CADM2: variants seen among roughly 807,000 people sequenced by gnomAD.
The protein encoded by CADM2 is immunoglobulin superfamily member 4D.
Under a neutral mutation model 49.8 loss-of-function variants are expected in CADM2, and 12 were observed. The ratio of observed to expected loss-of-function variants is 0.24; its 90% confidence interval spans 0.15 to 0.39. CADM2 has a LOEUF of 0.39. CADM2 is among the 10% of genes least tolerant of loss of function. The probability of loss-of-function intolerance (pLI) is 1.00; values close to 1 mark genes in which losing one functional copy is unlikely to be tolerated. For missense variants in CADM2, 378 were observed against 492.3 expected, an observed-to-expected ratio of 0.77 and a Z score of 2.20; for synonymous variants, 214 against 175.4, an observed-to-expected ratio of 1.22 and a Z score of -1.74.
intron 1 of CADM2, among the ~76,000 whole-genome samples, chr3:85,519,988 A>G (rs1379021311): frequency 6.6e-6 from 1 of 152,098 alleles, no homozygotes; most frequent in East Asian, 1.9e-4. Flanking sequence ...TTTATTAACA[A>G]TTAACATTAA....
At chr3:85,355,093 G>A (rs2031744261) in intron 1 of CADM2, among the ~76,000 whole-genome samples, 2 of 152,022 alleles carry the variant, frequency 1.3e-5, no homozygotes, top group Admixed American at 6.6e-5. Flanking sequence ...AACCCTCATT[G>A]TGCACACTCT....
intron 1 of CADM2, among the ~76,000 whole-genome samples, chr3:85,430,296 T>C (rs1453612391): frequency 6.6e-6 from 1 of 151,988 alleles, no homozygotes; most frequent in Non-Finnish European, 1.5e-5. Flanking sequence ...AATGGACAAA[T>C]AAATTATGAT....
intron 1 of CADM2, among the ~76,000 whole-genome samples, chr3:85,311,116 A>G (rs993681509): frequency 9.9e-5 from 15 of 152,212 alleles, no homozygotes; most frequent in Admixed American, 8.5e-4. Flanking sequence ...CAAATTTCTC[A>G]TAATTCGGCA....
intron 3 of CADM2, among the ~76,000 whole-genome samples, chr3:85,826,000 A>C (rs759101698): frequency 6.6e-6 from 1 of 152,070 alleles, no homozygotes; most frequent in Non-Finnish European, 1.5e-5. Flanking sequence ...TCATTTAATA[A>C]TTGTTATGTT....
intron 8 of CADM2, among the ~76,000 whole-genome samples, chr3:85,970,026 T>C (rs1055169079): frequency 1.4e-4 from 21 of 148,862 alleles, no homozygotes; most frequent in African/African-American, 5.2e-4. Flanking sequence ...CAGCCTTGAC[T>C]TCTGGATAAA....
intron 8 of CADM2, among the ~76,000 whole-genome samples, chr3:86,053,867 T>C (rs1464333024): frequency 6.6e-6 from 1 of 152,108 alleles, no homozygotes; most frequent in African/African-American, 2.4e-5. Context: ...TTAATAAATA[T>C]GAACTATTAT....
rs559565674 is a variant in CADM2 at position 85,056,773 on chromosome 3, A to C, written c.61+97105A>C. ...TTACTTCTCATCTTCTGTAATGAAA[A>C]TAACACAATAGTCATAAATGCTTTG... On this transcript the variant is annotated intron_variant, in intron 1 of 9. Coordinates refer to ENST00000383699, the MANE Select transcript of CADM2 (RefSeq NM_001167675.2). Among the ~76,000 whole-genome samples, 4 of 152,272 alleles carry C rather than the reference A, an allele frequency of 2.6e-5. No individual in the cohort carries two copies. The East Asian group carries it at 7.7e-4, about 29-fold the overall frequency.
chr3:85,555,075 A>T (rs2061925612), intron 1 of CADM2, among the ~76,000 whole-genome samples: 2 of 152,072 alleles, frequency 1.3e-5, no homozygotes, highest in South Asian at 4.1e-4. Flanking sequence ...TCTAGGAAAA[A>T]AAAATCTAAC....
chr3:85,448,725 C>T (rs947147555), intron 1 of CADM2, among the ~76,000 whole-genome samples: 1 of 151,896 alleles, frequency 6.6e-6, no homozygotes, highest in African/African-American at 2.4e-5. Flanking sequence ...TCAGTACTAC[C>T]TGAGTTCTCA....
chr3:85,623,752 A>C (rs530606210), intron 1 of CADM2, among the ~76,000 whole-genome samples: 1 of 152,304 alleles, frequency 6.6e-6, no homozygotes, highest in South Asian at 2.1e-4. Context: ...TTAATTTGTG[A>C]GATGACATTT....
At chr3:85,448,808 T>A (rs893275535) in intron 1 of CADM2, among the ~76,000 whole-genome samples, 2 of 151,910 alleles carry the variant, frequency 1.3e-5, no homozygotes, top group African/African-American at 4.8e-5. Flanking sequence ...CCCAGCACTT[T>A]GGGAGGTCGA....
chr3:85,736,405 G>A (rs2107810649), intron 2 of CADM2, among the ~76,000 whole-genome samples: 1 of 152,284 alleles, frequency 6.6e-6, no homozygotes, highest in East Asian at 1.9e-4. Flanking sequence ...AGAAGGCTAG[G>A]AAGATTTCTT....
At chr3:85,921,808 A>C (rs901078302) in intron 6 of CADM2, among the ~76,000 whole-genome samples, 9 of 152,026 alleles carry the variant, frequency 5.9e-5, no homozygotes, top group African/African-American at 1.9e-4. Context: ...ACAGCCCAAA[A>C]AATCTCCTGT....
intron 8 of CADM2, among the ~76,000 whole-genome samples, chr3:86,032,708 A>G (rs1056092359): frequency 5.3e-5 from 8 of 151,952 alleles, no homozygotes; most frequent in African/African-American, 1.9e-4. Context: ...TTTGAAATGA[A>G]GCTCATAGGC....
intron 1 of CADM2, among the ~76,000 whole-genome samples, chr3:85,606,758 A>G (rs1178061023): frequency 6.6e-6 from 1 of 152,118 alleles, no homozygotes; most frequent in East Asian, 1.9e-4. Flanking sequence ...AGGCAAAGTA[A>G]TGGAAGCGAG....
chr3:85,398,341 C>A (rs948354648), intron 1 of CADM2, among the ~76,000 whole-genome samples: 16 of 151,898 alleles, frequency 1.1e-4, no homozygotes, highest in Non-Finnish European at 2.1e-4. Flanking sequence ...TGAAACCATC[C>A]TTTTTATGGC....
intron 1 of CADM2, among the ~76,000 whole-genome samples, chr3:85,451,846 T>C (rs1360727799): frequency 6.6e-6 from 1 of 152,098 alleles, no homozygotes; most frequent in Non-Finnish European, 1.5e-5. Context: ...TATCGTGAAG[T>C]GTCATTTCAC....
rs557472727 is a variant in CADM2, at chr3:85,504,371, C to T, written c.62-222151C>T. 1.6e-4 allele frequency among the ~76,000 whole-genome samples: 24 copies of T among 152,266 alleles called. No individual in the cohort carries two copies. In the East Asian group the frequency reaches 3.5e-3, roughly 22 times the overall value. On this transcript the variant is annotated intron_variant, in intron 1 of 9. Coordinates refer to ENST00000383699, the MANE Select transcript of CADM2 (RefSeq NM_001167675.2). Reference sequence around the variant, plus strand: ...TGTGGACCCAAAGAGTGAGCAGTGGCAAGATTTACTGCAAAGAGCAAAAGA... The same window carrying T: ...TGTGGACCCAAAGAGTGAGCAGTGGTAAGATTTACTGCAAAGAGCAAAAGA...
At chr3:85,351,483 A>G (rs1290907493) in intron 1 of CADM2, among the ~76,000 whole-genome samples, 6 of 152,162 alleles carry the variant, frequency 3.9e-5, no homozygotes, top group African/African-American at 1.4e-4. Flanking sequence ...TGTTCACTCC[A>G]TTATTCCATG....
Sources: allele counts gnomAD v4.1 joint callset (sites outside exome capture counted in the v4.1 genomes callset), GRCh38; gene constraint gnomAD v4.1.1; transcripts MANE v1.5; gene names NCBI Gene and HGNC (gene_info 2026-07-23, HGNC 2026-07-21).